The following SNTG2 variants were observed in gnomAD, a reference collection of about 807,000 sequenced individuals.
SNTG2 encodes gamma-2-syntrophin.
A neutral mutation model predicts 70.9 loss-of-function variants in SNTG2; 74 were observed. The observed-to-expected ratio is 1.04, with a 90% CI of 0.86 to 1.27. The LOEUF (loss-of-function observed/expected upper bound fraction) is 1.27. Among genes scored for constraint, SNTG2 ranks in the 50% most tolerant of loss-of-function variants. The probability of loss-of-function intolerance (pLI) is 0.00; values close to 1 mark genes in which losing one functional copy is unlikely to be tolerated. For missense variants in SNTG2, 717 were observed against 690.7 expected (o/e 1.04, Z -0.43); for synonymous variants, 278 against 273.8 (o/e 1.02, Z -0.15).
At chr2:1,217,711 T>C (rs1327616767) in intron 9 of SNTG2, among the ~76,000 whole-genome samples, 1 of 152,184 alleles carries the variant, frequency 6.6e-6, no homozygotes, top group Admixed American at 6.5e-5. Flanking sequence ...ACATTTCTGT[T>C]ATGTAGAAAT....
intron 1 of SNTG2, among the ~76,000 whole-genome samples, chr2:991,446 ATTAT>A (rs1331418048): frequency 4.6e-5 from 7 of 151,710 alleles, no homozygotes; most frequent in African/African-American, 1.7e-4. Context: ...GCAGGCTATA[ATTAT>A]TTATACCCAC....
intron 4 of SNTG2, among the ~76,000 whole-genome samples, chr2:1,136,409 A>G (rs1360954300): frequency 6.6e-6 from 1 of 151,710 alleles, no homozygotes; most frequent in African/African-American, 2.4e-5. Flanking sequence ...GCTGCCACCA[A>G]TGCATGGGCC....
At chr2:1,068,803 T>C (rs1663327150) in intron 1 of SNTG2, among the ~76,000 whole-genome samples, 2 of 152,240 alleles carry the variant, frequency 1.3e-5, no homozygotes, top group Admixed American at 1.3e-4. Flanking sequence ...CAATCTTCTC[T>C]AATCAGCTTG....
At chr2:1,327,839 T>C (rs979044453) in intron 16 of SNTG2, among the ~76,000 whole-genome samples, 9 of 152,206 alleles carry the variant, frequency 5.9e-5, no homozygotes, top group African/African-American at 2.2e-4. Flanking sequence ...CACTCACTTA[T>C]CTTTAAGTTA....
In SNTG2 at chr2:977,873, A is replaced by G. The variant is rs61529901; in HGVS notation, c.72+26805A>G. Among the ~76,000 whole-genome samples the G allele has an allele frequency of 5.0e-3, 766 of 152,214 alleles. 8 individuals carry two copies. Among genetic ancestry groups the G allele is most frequent in the African/African-American group, 0.016 (644 of 41,522 alleles). ...CGCCTCGTGCCACCTACTCCTCTTC[A>G]AGTAACTGATCTCATCTCTTTCATC... On this transcript the variant is annotated intron_variant, in intron 1 of 16. Transcript: ENST00000308624.
chr2:1,018,354 A>G (rs1659978006), intron 1 of SNTG2, among the ~76,000 whole-genome samples: 1 of 152,176 alleles, frequency 6.6e-6, no homozygotes, highest in African/African-American at 2.4e-5. Flanking sequence ...TACTGGCCAC[A>G]ATCGGCATAA....
intron 13 of SNTG2, among the ~76,000 whole-genome samples, chr2:1,265,358 A>G (rs191236680): frequency 6.6e-6 from 1 of 152,332 alleles, no homozygotes; most frequent in African/African-American, 2.4e-5. Flanking sequence ...ACACACATTC[A>G]TGTTCACATA....
At chr2:953,023 A>G (rs1179379018) in intron 1 of SNTG2, among the ~76,000 whole-genome samples, 1 of 152,196 alleles carries the variant, frequency 6.6e-6, no homozygotes. Context: ...TCTAAATCTT[A>G]TATTTCTAGT....
intron 14 of SNTG2, among the ~76,000 whole-genome samples, chr2:1,285,946 G>A (rs781168495): frequency 2.6e-5 from 4 of 152,140 alleles, no homozygotes; most frequent in Admixed American, 6.6e-5. Flanking sequence ...CATTCCTTGC[G>A]TACTCTTCCT....
At chr2:1,339,130 C>T (rs1659960049) in intron 16 of SNTG2, among the ~76,000 whole-genome samples, 1 of 152,192 alleles carries the variant, frequency 6.6e-6, no homozygotes, top group African/African-American at 2.4e-5. Flanking sequence ...TGATGTGACA[C>T]ATCTTACCAT....
intron 9 of SNTG2, among the ~76,000 whole-genome samples, chr2:1,212,160 C>T (rs571699461): frequency 6.6e-5 from 10 of 152,246 alleles, no homozygotes; most frequent in African/African-American, 2.2e-4. Flanking sequence ...GATCATGGGG[C>T]AGATTCTCAT....
At position 1,267,476 on chromosome 2, in the gene SNTG2, A is replaced by G; in HGVS notation, c.1189A>G (p.Lys397Glu). Residue 397 changes from lysine to glutamate, a missense_variant, in exon 14 of 17, where the codon AAG (lysine) becomes GAG (glutamate). Physicochemically the swap from Lys to Glu is moderately conservative, Grantham distance 56. Transcript: ENST00000308624. ...CTTCAGCATCGTGGCCGGCCATGGGAAGAGCCATGTTTTCAACGTGGAGCT... is the reference window on the plus strand; with the variant it reads ...CTTCAGCATCGTGGCCGGCCATGGGGAGAGCCATGTTTTCAACGTGGAGCT... ...YCFSIVAGHG[K>E]SHVFNVELGS... The G allele has an allele frequency of 6.2e-7, 1 of 1,613,878 alleles. No individual in the cohort carries two copies. Among genetic ancestry groups the G allele is most frequent in the African/African-American group, 1.3e-5 (1 of 75,022 alleles).
chr2:996,755 GC>G (rs1333181645), intron 1 of SNTG2, among the ~76,000 whole-genome samples: 2 of 137,940 alleles, frequency 1.4e-5, no homozygotes, highest in African/African-American at 5.5e-5. Context: ...TTTTGGAGAT[GC>G]TGGGGTACCT....
At chr2:1,332,963 G>C (rs1311799234) in intron 16 of SNTG2, among the ~76,000 whole-genome samples, 1 of 152,152 alleles carries the variant, frequency 6.6e-6, no homozygotes, top group Non-Finnish European at 1.5e-5. Context: ...AGAGCAATCA[G>C]ACAAGAAAAA....
intron 14 of SNTG2, among the ~76,000 whole-genome samples, chr2:1,291,936 C>A (rs994924186): frequency 6.6e-6 from 1 of 152,264 alleles, no homozygotes; most frequent in Middle Eastern, 3.4e-3. Context: ...GTATGGACAT[C>A]CGAACATCAT....
chr2:1,137,897 T>C (rs1324029361), intron 6 of SNTG2, 88 bp downstream of exon 6: 3 of 1,218,648 alleles, frequency 2.5e-6, no homozygotes, highest in Non-Finnish European at 3.6e-6. Context: ...ACTGAGTCTA[T>C]CCATAGATGC....
intron 8 of SNTG2, among the ~76,000 whole-genome samples, chr2:1,182,387 A>G (rs1396627279): frequency 6.6e-6 from 1 of 151,758 alleles, no homozygotes; most frequent in Non-Finnish European, 1.5e-5. Context: ...AAACTAATCA[A>G]AAAGACTCTG....
chr2:950,979 C>A lies in SNTG2; in HGVS notation c.-18C>A. ...AGCTCGGCCGGCCCGGAGCGCGGAC[C>A]CAGCCGCAGGGGCGGCGATGGGCAC... is the stretch of plus-strand genomic sequence containing the variant. On this transcript the variant is annotated 5_prime_UTR_variant, in exon 1 of 17. Transcript: ENST00000308624. 8.2e-7 allele frequency: 1 copy of A among 1,225,784 alleles called. No individual in the cohort carries two copies. Among genetic ancestry groups the A allele is most frequent in the Non-Finnish European group, 1.0e-6 (1 of 982,520 alleles). The allele number at this position is 1,225,784 out of a possible 1,614,324, so 75.9% of individuals were successfully genotyped here. A position where few individuals can be genotyped will look rare whatever the true frequency, so the allele number is the denominator to read the frequency against.
chr2:1,238,252 C>T (rs181218702), intron 10 of SNTG2, among the ~76,000 whole-genome samples: 1 of 152,192 alleles, frequency 6.6e-6, no homozygotes, highest in East Asian at 1.9e-4. Context: ...TTGTCTTCCT[C>T]CTCCCCTCTG....
Sources: allele counts gnomAD v4.1 joint callset (sites outside exome capture counted in the v4.1 genomes callset), GRCh38; gene constraint gnomAD v4.1.1; transcripts MANE v1.5; gene names NCBI Gene and HGNC (gene_info 2026-07-23, HGNC 2026-07-21).